Variants in ZNF521 observed in about 807,000 individuals in gnomAD.
ZNF521 encodes LYST-interacting protein 3.
A neutral mutation model predicts 105.5 loss-of-function variants in ZNF521; 14 were observed. The ratio of observed to expected loss-of-function variants is 0.13; its 90% CI spans 0.09 to 0.21. The LOEUF is 0.21. Among genes scored for constraint, ZNF521 ranks in the 10% least tolerant of loss-of-function variants. The pLI is 1.00. For synonymous variants in ZNF521, 635 were observed against 606.0 expected, an observed-to-expected ratio of 1.05 and a Z score of -0.70; for missense variants, 1,233 against 1,629.7, an observed-to-expected ratio of 0.76 and a Z score of 4.19.
chr18:25,238,165 AAAC>A lies in ZNF521; in HGVS notation c.221-10471_221-10469del, dbSNP rs1379651959. On this transcript the variant is annotated intron_variant, in intron 3 of 7. Coordinates refer to ENST00000361524, the MANE Select transcript of ZNF521 (RefSeq NM_015461.3). Reference sequence around the variant, plus strand: ...ATCCTTCCCAAACTCTCCTCCACTAAAACAACAACAACAATAACTCAAATGCTG... The same window carrying A: ...ATCCTTCCCAAACTCTCCTCCACTAAAACAACAACAATAACTCAAATGCTG... Among the ~76,000 whole-genome samples, 6 of 152,260 alleles carry A rather than the reference AAAC, an allele frequency of 3.9e-5. No homozygotes were observed. The East Asian group carries it at 5.8e-4, about 15-fold the overall frequency.
chr18:25,133,479 A>C (rs2034677118), intron 5 of ZNF521, among the ~76,000 whole-genome samples: 1 of 152,146 alleles, frequency 6.6e-6, no homozygotes, highest in Non-Finnish European at 1.5e-5. Context: ...ATTCTTTAAG[A>C]CCTCACTTTC....
In ZNF521 at chr18:25,227,845, C is replaced by T; in HGVS notation, c.221-148G>A. 1 of 686,866 alleles carries T rather than the reference C, an allele frequency of 1.5e-6. No homozygotes were observed. Among genetic ancestry groups the T allele is most frequent in the Non-Finnish European group, 2.4e-6 (1 of 419,004 alleles). The allele number at this position is 686,866 out of a possible 1,614,324, so 42.5% of individuals were successfully genotyped here. On this transcript the variant is annotated intron_variant, in intron 3 of 7. Coordinates refer to ENST00000361524, the MANE Select transcript of ZNF521 (RefSeq NM_015461.3). The surrounding 1 kb of genome is among the most constrained non-coding windows in gnomAD (Gnocchi z 5.7). ...GAAAAGAGAGAATATTTGAGTGAGACATTTTCAAATCTGAGCCCAAAGCAG... is the reference window on the plus strand; with the variant it reads ...GAAAAGAGAGAATATTTGAGTGAGATATTTTCAAATCTGAGCCCAAAGCAG...
intron 5 of ZNF521, among the ~76,000 whole-genome samples, chr18:25,147,032 T>C (rs1474014612): frequency 6.6e-6 from 1 of 152,168 alleles, no homozygotes; most frequent in Non-Finnish European, 1.5e-5. Context: ...TTTTCTGCTT[T>C]GGTTTTCTTC....
chr18:25,260,367 T>C (rs1908823870), intron 3 of ZNF521, among the ~76,000 whole-genome samples: 1 of 152,116 alleles, frequency 6.6e-6, no homozygotes, highest in Non-Finnish European at 1.5e-5. Flanking sequence ...GTGGTCAGCA[T>C]TAAAAAGAAC....
chr18:25,282,994 A>G (rs1448117630), intron 3 of ZNF521, among the ~76,000 whole-genome samples: 1 of 152,194 alleles, frequency 6.6e-6, no homozygotes, highest in Non-Finnish European at 1.5e-5. Flanking sequence ...GCTTTCCTCC[A>G]ATGCATTAAA....
intron 5 of ZNF521, among the ~76,000 whole-genome samples, chr18:25,106,677 G>A (rs992993705): frequency 6.6e-6 from 1 of 152,048 alleles, no homozygotes; most frequent in African/African-American, 2.4e-5. Context: ...CTTGTGTGTT[G>A]CTTAAATATT....
chr18:25,293,394 T>C (rs1050285492), intron 3 of ZNF521, among the ~76,000 whole-genome samples: 3 of 144,582 alleles, frequency 2.1e-5, no homozygotes, highest in Non-Finnish European at 4.4e-5. Context: ...ACAAATTCCT[T>C]AATTTCTTAG....
chr18:25,281,998 G>GAACTC (rs1268823821), intron 3 of ZNF521, among the ~76,000 whole-genome samples: 6 of 151,970 alleles, frequency 3.9e-5, no homozygotes, highest in Admixed American at 2.0e-4. Flanking sequence ...ATAGGATCCT[G>GAACTC]TTTTTCAGAC....
At chr18:25,151,993 A>G (rs2035055962) in intron 5 of ZNF521, among the ~76,000 whole-genome samples, 1 of 152,196 alleles carries the variant, frequency 6.6e-6, no homozygotes, top group Non-Finnish European at 1.5e-5. Flanking sequence ...ATGAGAGAGC[A>G]TAAGCACTAA....
rs77690151 is a variant in ZNF521 at position 25,185,184 on chromosome 18, A to T, written c.3658+9976T>A. 9.7e-3 allele frequency among the ~76,000 whole-genome samples: 1,476 copies of T among 152,288 alleles called. 28 individuals are homozygous for T. The highest frequency in any genetic ancestry group is 0.034 in the African/African-American group (1,398 of 41,562). On this transcript the variant is annotated intron_variant, in intron 5 of 7. Transcript: ENST00000361524. The stretch of plus-strand genomic sequence containing the variant: ...GACAAATTAGGATGGGCAATAGTTG[A>T]CCATTTTGACTACAGATTTATAACA...
intron 3 of ZNF521, among the ~76,000 whole-genome samples, chr18:25,299,254 C>A (rs923050961): frequency 2.6e-5 from 4 of 152,120 alleles, no homozygotes; most frequent in Admixed American, 2.6e-4. Context: ...TGTAACTTTA[C>A]AAAACAAAAG....
intron 3 of ZNF521, among the ~76,000 whole-genome samples, chr18:25,260,138 A>G (rs977591867): frequency 1.3e-5 from 2 of 152,238 alleles, no homozygotes; most frequent in African/African-American, 4.8e-5. Context: ...ACAACATAAT[A>G]GTAAATGCCA....
intron 3 of ZNF521, among the ~76,000 whole-genome samples, chr18:25,265,408 T>C (rs1909178254): frequency 6.6e-6 from 1 of 152,226 alleles, no homozygotes; most frequent in South Asian, 2.1e-4. Context: ...CTTTCTTTCC[T>C]GAACTTAATT....
At chr18:25,287,483 G>A (rs1444003463) in intron 3 of ZNF521, among the ~76,000 whole-genome samples, 4 of 151,866 alleles carry the variant, frequency 2.6e-5, no homozygotes, top group African/African-American at 7.3e-5. Context: ...TAAGAGCAGC[G>A]AAATGTTATT....
At chr18:25,089,651 T>A in intron 6 of ZNF521, 71 bp from the exon 7 acceptor site, 1 of 1,241,914 alleles carries the variant, frequency 8.1e-7, no homozygotes, top group South Asian at 1.2e-5. Context: ...TGACTCTGCA[T>A]GAACAGACAG....
intron 3 of ZNF521, among the ~76,000 whole-genome samples, chr18:25,255,981 A>G (rs1023270419): frequency 3.4e-5 from 5 of 148,210 alleles, no homozygotes; most frequent in Admixed American, 2.0e-4. Flanking sequence ...TATGTTATAT[A>G]CATGGTATAT....
At chr18:25,312,804 C>A (rs537858646) in intron 3 of ZNF521, among the ~76,000 whole-genome samples, 4 of 133,828 alleles carry the variant, frequency 3.0e-5, no homozygotes, top group Non-Finnish European at 6.2e-5. Context: ...GGCGACAGAG[C>A]GAGACTCCGT....
intron 5 of ZNF521, among the ~76,000 whole-genome samples, chr18:25,179,116 C>CATT (rs2035583758): frequency 7.6e-5 from 4 of 52,440 alleles, no homozygotes; most frequent in Non-Finnish European, 1.0e-4. Context: ...TTCTTTATTC[C>CATT]TTTTTTTTTT....
chr18:25,289,810 T>C (rs1910912232), intron 3 of ZNF521, among the ~76,000 whole-genome samples: 1 of 152,190 alleles, frequency 6.6e-6, no homozygotes, highest in African/African-American at 2.4e-5. Flanking sequence ...ATTTTAAAAA[T>C]GCGGCTAGCT....
Sources: gnomAD v4.1 joint callset for allele counts (sites outside exome capture counted in the v4.1 genomes callset) on GRCh38, gnomAD v4.1.1 for gene constraint, Gnocchi (gnomAD v3.1) non-coding constraint, MANE v1.5 for transcripts, NCBI Gene and HGNC (gene_info 2026-07-23, HGNC 2026-07-21) for gene names.